The following PIWIL3 variants were observed in gnomAD, a reference collection of about 807,000 sequenced individuals.
PIWIL3 encodes the protein piwi like RNA-mediated gene silencing 3.
A neutral mutation model predicts 109.7 loss-of-function variants in PIWIL3; 101 were observed. That is an observed-to-expected ratio of 0.92 (90% CI 0.78 to 1.09). The LOEUF is 1.09. Among genes scored for constraint, PIWIL3 ranks in the 50% least tolerant of loss-of-function variants. The pLI, the probability that PIWIL3 is intolerant of heterozygous loss-of-function variation, is 0.00. For synonymous variants in PIWIL3, 373 were observed against 376.4 expected, an observed-to-expected ratio of 0.99 and a Z score of 0.10; for missense variants, 1,031 against 1,072.6, an observed-to-expected ratio of 0.96 and a Z score of 0.54.
intron 19 of PIWIL3, among the ~76,000 whole-genome samples, chr22:24,721,714 T>C (rs574286280): frequency 3.9e-5 from 6 of 152,354 alleles, no homozygotes; most frequent in Admixed American, 2.6e-4. Flanking sequence ...CAAATACAAA[T>C]TGACCTTTTC....
chr22:24,751,327 C>G, intron 9 of PIWIL3, 60 bp downstream of exon 9: 1 of 1,479,530 alleles, frequency 6.8e-7, no homozygotes, highest in South Asian at 1.3e-5. Flanking sequence ...CTAAATAACA[C>G]AAACTGAAAT....
rs1223894550 is a variant in PIWIL3, at chr22:24,727,991, T to G, written c.1968A>C (p.Ser656=). The change falls in exon 16 of 21, where the codon TCA becomes TCC. Residue 656 remains serine (S), a synonymous_variant. Coordinates refer to ENST00000616349, the MANE Select transcript of PIWIL3 (RefSeq NM_001255975.1). ...CFHDIVNRQK[S]IAGFVASTNA... Reference sequence around the variant, plus strand: ...TGGTACTTGCAACAAATCCTGCTATTGATTTCTGTCGATTTACGATATCGT... The same window carrying G: ...TGGTACTTGCAACAAATCCTGCTATGGATTTCTGTCGATTTACGATATCGT... 6.2e-7 allele frequency: 1 copy of G among 1,613,962 alleles called. No homozygotes were observed.
At chr22:24,742,242 A>G (rs1924052301) in intron 12 of PIWIL3, among the ~76,000 whole-genome samples, 2 of 152,114 alleles carry the variant, frequency 1.3e-5, no homozygotes, top group South Asian at 4.1e-4. Context: ...ACTGAAAGAA[A>G]TCACAGGTGA....
chr22:24,760,008 A>G lies in PIWIL3; in HGVS notation c.103-19T>C, dbSNP rs1370911589. The G allele has an allele frequency of 6.2e-7, 1 of 1,613,368 alleles. No individual in the cohort carries two copies. The stretch of plus-strand genomic sequence containing the variant: ...CCTGGGTCTGCATGTTTTTGGAAAT[A>G]GAAATAATGAGCAGTGCCCTACTGT... On this transcript the variant is annotated intron_variant, in intron 2 of 20. Transcript: ENST00000616349.
Position 24,754,026 on chromosome 22 carries a change from A to C in PIWIL3, c.965T>G (p.Ile322Ser). The C allele has an allele frequency of 6.2e-7, 1 of 1,605,756 alleles. No homozygotes were observed. Among genetic ancestry groups the C allele is most frequent in the Non-Finnish European group, 8.5e-7 (1 of 1,172,356 alleles). ...EEVTNKLIGS[I>S]VLTKYNNKTY... ...AAGACAGACTTACTTTGTCAGAACAATTGATCCAATTAATTTATTAGTTAC... is the reference window on the plus strand; with the variant it reads ...AAGACAGACTTACTTTGTCAGAACACTTGATCCAATTAATTTATTAGTTAC... The change falls in exon 8 of 21, where the codon ATT (isoleucine) becomes AGT (serine). Residue 322 changes from isoleucine (I) to serine (S), a missense_variant. Ile to Ser is a moderately radical substitution (Grantham distance 142, BLOSUM62 -2). Coordinates refer to ENST00000616349, the MANE Select transcript of PIWIL3 (RefSeq NM_001255975.1).
intron 8 of PIWIL3, among the ~76,000 whole-genome samples, chr22:24,753,627 C>T (rs929926941): frequency 6.6e-6 from 1 of 152,154 alleles, no homozygotes; most frequent in African/African-American, 2.4e-5. Context: ...ATTCTCTTAC[C>T]AATTTAAGGT....
chr22:24,749,926 C>T lies in PIWIL3; in HGVS notation c.1090-107G>A, dbSNP rs188540065. 4.6e-3 allele frequency: 6,895 copies of T among 1,490,392 alleles called. 20 individuals carry two copies. The highest frequency in any genetic ancestry group is 5.5e-3 in the Non-Finnish European group (5,942 of 1,080,878). The allele number at this position is 1,490,392 out of a possible 1,614,324, so 92.3% of individuals were successfully genotyped here. On this transcript the variant is annotated intron_variant, in intron 9 of 20. Transcript: ENST00000616349. ...GGGACTACAAATGAAGGGCCACAGG[C>T]GTGCTGGTGATATAGGTTCCCCAAG...
At chr22:24,721,213 T>G (rs1211162807) in intron 19 of PIWIL3, among the ~76,000 whole-genome samples, 1 of 152,230 alleles carries the variant, frequency 6.6e-6, no homozygotes, top group Non-Finnish European at 1.5e-5. Flanking sequence ...TCTAGCTTGA[T>G]GGTTATTTTT....
rs989432655 is a variant in PIWIL3, at chr22:24,745,093, G to A, written c.1449+3814C>T. On this transcript the variant is annotated intron_variant, in intron 12 of 20. Transcript: ENST00000616349. ...AATTTTGGAAACTATACAAACACAT[G>A]GAAACTAAACAATATGCTCCTGAAT... Among the ~76,000 whole-genome samples the A allele has an allele frequency of 1.7e-4, 26 of 152,216 alleles. No individual in the cohort carries two copies. The South Asian group carries it at 2.7e-3, about 16-fold the overall frequency.
rs376896985 is a variant in PIWIL3 at position 24,754,874 on chromosome 22, G to T, written c.693-10C>A. 5 of 1,606,404 alleles carry T rather than the reference G, an allele frequency of 3.1e-6. No homozygotes were observed. The highest frequency in any genetic ancestry group is 2.2e-5 in the East Asian group (1 of 44,792). ...CAGCAGCTTGAAAGTTCTGGAAATG[G>T]AAAGAATAGATTTTGTTGAAAGTAC... On this transcript the variant is annotated splice_polypyrimidine_tract_variant and intron_variant, in intron 6 of 20. Transcript: ENST00000616349.
intron 12 of PIWIL3, among the ~76,000 whole-genome samples, chr22:24,746,822 T>G (rs1924401657): frequency 6.6e-6 from 1 of 151,938 alleles, no homozygotes; most frequent in Non-Finnish European, 1.5e-5. Flanking sequence ...ATGAAAACTA[T>G]AAAACACTGA....
chr22:24,770,230 A>C (rs970371821), intron 1 of PIWIL3, among the ~76,000 whole-genome samples: 41 of 152,346 alleles, frequency 2.7e-4, no homozygotes, highest in African/African-American at 9.6e-4. Context: ...GGCAAGACTC[A>C]AACCCGTCAG....
intron 2 of PIWIL3, among the ~76,000 whole-genome samples, chr22:24,761,643 G>A (rs553644360): frequency 7.9e-5 from 12 of 152,232 alleles, no homozygotes; most frequent in Non-Finnish European, 1.5e-4. Flanking sequence ...TTTGCTTTAG[G>A]TAGGAACAAA....
At chr22:24,728,983 C>T (rs975324445) in intron 14 of PIWIL3, among the ~76,000 whole-genome samples, 2 of 152,198 alleles carry the variant, frequency 1.3e-5, no homozygotes, top group African/African-American at 4.8e-5. Context: ...GCTGCAGCTG[C>T]ACAGATAAGG....
rs1241174453 is a variant in PIWIL3 at position 24,750,482 on chromosome 22, A to ATTT, written c.1090-666_1090-664dup. ...CTTATCTGAAGTCTTACCACATTTG[A>ATTT]TTTTTTTTCTTTTTTTTTTTTTTGA... is the stretch of plus-strand genomic sequence containing the variant. On this transcript the variant is annotated intron_variant, in intron 9 of 20. Coordinates refer to ENST00000616349, the MANE Select transcript of PIWIL3 (RefSeq NM_001255975.1). 2.9e-3 allele frequency among the ~76,000 whole-genome samples: 337 copies of ATTT among 114,268 alleles called. 26 individuals are homozygous for ATTT. Among genetic ancestry groups the ATTT allele is most frequent in the African/African-American group, 6.4e-3 (191 of 29,962 alleles). 75.0% of individuals were successfully genotyped at this position (114,268 alleles called of 152,430 possible).
chr22:24,749,540 G>A lies in PIWIL3; in HGVS notation c.1217-19C>T, dbSNP rs542867212. 1.5e-4 allele frequency: 247 copies of A among 1,612,596 alleles called. 3 individuals carry two copies. The South Asian group carries it at 2.2e-3, about 14-fold the overall frequency. The stretch of plus-strand genomic sequence containing the variant: ...GTTAGACCTTTAAAAAAATCCAAAA[G>A]ATACAGCTGAACAAGCATGAATTTG... On this transcript the variant is annotated intron_variant, in intron 10 of 20. Coordinates refer to ENST00000616349, the MANE Select transcript of PIWIL3 (RefSeq NM_001255975.1).
rs752910002 is a variant in PIWIL3, at chr22:24,735,819, T to C, written c.1523A>G (p.His508Arg). 8 of 1,613,186 alleles carry C rather than the reference T, an allele frequency of 5.0e-6. No individual in the cohort carries two copies. The South Asian group carries it at 7.7e-5, about 16-fold the overall frequency. Reference protein sequence around the residue: ...ELPLLNAMPLHSWLILYSRSS... With the variant: ...ELPLLNAMPLRSWLILYSRSS... The stretch of plus-strand genomic sequence containing the variant: ...CCTGCTATAGAGTATGAGCCAACTA[T>C]GTAGTGGCATTGCATTAAGTAAGGG... The change falls in exon 13 of 21, where the codon CAT becomes CGT. Residue 508 changes from histidine (H) to arginine (R), a missense_variant. Physicochemically the swap from His to Arg is conservative, Grantham distance 29. Coordinates refer to ENST00000616349, the MANE Select transcript of PIWIL3 (RefSeq NM_001255975.1).
At position 24,744,181 on chromosome 22, in the gene PIWIL3, A is replaced by G. The variant is rs58800706; in HGVS notation, c.1449+4726T>C. Among the ~76,000 whole-genome samples, 66 of 71,154 alleles carry G rather than the reference A, an allele frequency of 9.3e-4. 5 individuals are homozygous for G. Among genetic ancestry groups the G allele is most frequent in the African/African-American group, 3.3e-3 (49 of 14,738 alleles). The allele number at this position is 71,154 out of a possible 152,430, so 46.7% of individuals were successfully genotyped here. On this transcript the variant is annotated intron_variant, in intron 12 of 20. Coordinates refer to ENST00000616349, the MANE Select transcript of PIWIL3 (RefSeq NM_001255975.1). Reference sequence around the variant, plus strand: ...CTAATTGAAAGAGTGACCGAATTAAAAAAAAAAAAAAAAAAAAAAAAAAAA... The same window carrying G: ...CTAATTGAAAGAGTGACCGAATTAAGAAAAAAAAAAAAAAAAAAAAAAAAA...
chr22:24,773,686 T>C (rs569829393), intron 1 of PIWIL3, among the ~76,000 whole-genome samples: 1 of 151,662 alleles, frequency 6.6e-6, no homozygotes, highest in African/African-American at 2.4e-5. Context: ...TTAAAGGATA[T>C]GTACAAGACA....
Sources: allele counts gnomAD v4.1 joint callset (sites outside exome capture counted in the v4.1 genomes callset), GRCh38; gene constraint gnomAD v4.1.1; transcripts MANE v1.5; gene names NCBI Gene and HGNC (gene_info 2026-07-23, HGNC 2026-07-21).